Variants in CPS1 observed in about 807,000 individuals in gnomAD.
The protein encoded by CPS1 is carbamoyl-phosphate synthase 1.
In CPS1, 109 loss-of-function variants were observed where a neutral mutation model predicts 174.6. The observed-to-expected ratio is 0.62, with a 90% confidence interval of 0.53 to 0.73. The LOEUF (loss-of-function observed/expected upper bound fraction) is 0.73. CPS1 is among the 30% of genes least tolerant of loss of function. The pLI, the probability that CPS1 is intolerant of heterozygous loss-of-function variation, is 0.00. For missense variants in CPS1, 1,689 were observed against 1,821.9 expected (o/e 0.93, Z 1.33); for synonymous variants, 637 against 632.0 (o/e 1.01, Z -0.12).
intron 21 of CPS1, among the ~76,000 whole-genome samples, chr2:210,636,103 CTA>C (rs1203305412): frequency 1.3e-5 from 2 of 152,174 alleles, no homozygotes; most frequent in African/African-American, 2.4e-5. Context: ...TGGCAATACA[CTA>C]TTTTAATTTC....
chr2:210,675,855 T>A lies in CPS1; in HGVS notation c.4274+15T>A. ...TCCATCAGAAAGTAAGAACTAGGCA[T>A]ACTGTTTTCTGAAATAATTTAGAGG... On this transcript the variant is annotated intron_variant, in intron 36 of 37. Coordinates refer to ENST00000233072, the MANE Select transcript of CPS1 (RefSeq NM_001875.5). 8.9e-7 allele frequency: 1 copy of A among 1,127,524 alleles called. No homozygotes were observed. The highest frequency in any genetic ancestry group is 1.4e-6 in the Non-Finnish European group (1 of 735,660). The allele number at this position is 1,127,524 out of a possible 1,614,324, so 69.8% of individuals were successfully genotyped here.
At chr2:210,480,709 A>C (rs1181029196) in intron 1 of CPS1, among the ~76,000 whole-genome samples, 1 of 152,188 alleles carries the variant, frequency 6.6e-6, no homozygotes, top group Non-Finnish European at 1.5e-5. Context: ...AATGGTTTTT[A>C]CTTTTTTCAC....
intron 1 of CPS1, among the ~76,000 whole-genome samples, chr2:210,571,233 T>G (rs1267069844): frequency 6.6e-6 from 1 of 151,912 alleles, no homozygotes; most frequent in African/African-American, 2.4e-5. Flanking sequence ...CTATTTAAAG[T>G]GTCAAGCTTG....
At chr2:210,666,902 A>C (rs1009037213) in intron 33 of CPS1, among the ~76,000 whole-genome samples, 1 of 152,162 alleles carries the variant, frequency 6.6e-6, no homozygotes. Context: ...CATTGAATCT[A>C]TAAATTACCT....
chr2:210,631,388 A>G (rs572371003), intron 21 of CPS1: 3 of 152,278 alleles, frequency 2.0e-5, no homozygotes, highest in Admixed American at 2.0e-4. Context: ...GACAGGGAGG[A>G]ATTTTAAACA....
At chr2:210,477,894 C>T (rs1694442432) in intron 1 of CPS1, 1 of 999,384 alleles carries the variant, frequency 1.0e-6, no homozygotes, top group Non-Finnish European at 1.5e-6. Context: ...AAAGGCTATC[C>T]ATTTATCCCA....
At position 210,591,827 on chromosome 2, in the gene CPS1, C is replaced by T. The variant is rs565704219; in HGVS notation, c.948-4C>T. The T allele has an allele frequency of 1.2e-6, 2 of 1,612,006 alleles. No individual in the cohort carries two copies. Among genetic ancestry groups the T allele is most frequent in the Admixed American group, 1.7e-5 (1 of 59,864 alleles). On this transcript the variant is annotated splice_region_variant and splice_polypyrimidine_tract_variant and intron_variant, in intron 9 of 37. Coordinates refer to ENST00000233072, the MANE Select transcript of CPS1 (RefSeq NM_001875.5). ...CCCTATTCTTTTTCTCCTTTTCTCT[C>T]CAGAGGGCAGAATCAGCCTGTTTTG... is the stretch of plus-strand genomic sequence containing the variant.
At chr2:210,505,889 G>A (rs1384809850) in intron 1 of CPS1, among the ~76,000 whole-genome samples, 3 of 152,190 alleles carry the variant, frequency 2.0e-5, no homozygotes, top group African/African-American at 7.2e-5. Flanking sequence ...AAAGCACAGG[G>A]AAGCTCGAAC....
chr2:210,647,938 G>A lies in CPS1; in HGVS notation c.3217G>A (p.Val1073Ile), dbSNP rs1468277023. The change falls in exon 26 of 38, where the codon GTC becomes ATC. Residue 1073 changes from valine (V) to isoleucine (I), a missense_variant. By Grantham distance (29) the Val-to-Ile change is conservative. Transcript: ENST00000233072. ...GGCAGTTCCTCTATACAAGAATGGT[G>A]TCAAGATCATGGGCACAAGCCCCCT... ...NLAVPLYKNGVKIMGTSPLQI... is the reference protein window; with the variant it reads ...NLAVPLYKNGIKIMGTSPLQI... 1 of 1,614,070 alleles carries A rather than the reference G, an allele frequency of 6.2e-7. No individual in the cohort carries two copies. Among genetic ancestry groups the A allele is most frequent in the South Asian group, 1.1e-5 (1 of 91,086 alleles).
chr2:210,502,669 A>G (rs1695177898), intron 1 of CPS1, among the ~76,000 whole-genome samples: 1 of 152,022 alleles, frequency 6.6e-6, no homozygotes, highest in South Asian at 2.1e-4. Flanking sequence ...CTCTAAAGGG[A>G]AGTCATAGTT....
intron 1 of CPS1, among the ~76,000 whole-genome samples, chr2:210,500,908 G>T (rs922306350): frequency 6.6e-6 from 1 of 152,178 alleles, no homozygotes; most frequent in Non-Finnish European, 1.5e-5. Flanking sequence ...CTCCATGAGG[G>T]CTCTAACCCT....
chr2:210,582,581 C>T (rs751950055), intron 5 of CPS1, 36 bp from the exon 6 acceptor site: 3 of 1,510,842 alleles, frequency 2.0e-6, no homozygotes, highest in East Asian at 2.3e-5. Flanking sequence ...TTTATCGTTG[C>T]TTCCTTTTAA....
At chr2:210,615,450 AGAAAAGTAAGCTCCCTGGGCT>A (rs1205295740) in intron 20 of CPS1, among the ~76,000 whole-genome samples, 1 of 152,030 alleles carries the variant, frequency 6.6e-6, no homozygotes, top group Non-Finnish European at 1.5e-5. Flanking sequence ...AAAAGCTTTA[AGAAAAGTAAGCTCCCTGGGCT>A]GAAATATACC....
chr2:210,612,305 C>T lies in CPS1; in HGVS notation c.2568+12C>T, dbSNP rs758358864. On this transcript the variant is annotated intron_variant, in intron 20 of 37. Transcript: ENST00000233072. Reference sequence around the variant, plus strand: ...ATGCCATTGCCAAGGTAAGATGTTACAAGGGGCCCACAGCTACTAGTTGCT... The same window carrying T: ...ATGCCATTGCCAAGGTAAGATGTTATAAGGGGCCCACAGCTACTAGTTGCT... The T allele has an allele frequency of 1.2e-6, 2 of 1,611,504 alleles. No individual in the cohort carries two copies. The highest frequency in any genetic ancestry group is 3.3e-5 in the Admixed American group (2 of 59,794).
In CPS1 at chr2:210,539,901, G is replaced by A. The variant is rs149785733; in HGVS notation, c.4-16818G>A. Among the ~76,000 whole-genome samples the A allele has an allele frequency of 1.6e-4, 24 of 152,256 alleles. No homozygotes were observed. The East Asian group carries it at 4.3e-3, about 27-fold the overall frequency. ...GGTCCCCAGTTTCCAGGCCCTGAAT[G>A]CCATGGGCTCTGTCTCAGGAATAGG... On this transcript the variant is annotated intron_variant, in intron 1 of 38. Coordinates refer to the CPS1 transcript ENST00000430249.
intron 1 of CPS1, among the ~76,000 whole-genome samples, chr2:210,488,268 A>G (rs1045839493): frequency 6.6e-6 from 1 of 152,194 alleles, no homozygotes; most frequent in African/African-American, 2.4e-5. Flanking sequence ...TCATGTGTAT[A>G]ATATTCCCTT....
chr2:210,546,567 T>C, intron 1 of CPS1, among the ~76,000 whole-genome samples: 1 of 152,132 alleles, frequency 6.6e-6, no homozygotes, highest in East Asian at 1.9e-4. Flanking sequence ...TGATAGGATA[T>C]AGACAAATTG....
chr2:210,612,078 C>T (rs1699145326), intron 19 of CPS1, 39 bp from the exon 20 acceptor site: 1 of 1,569,204 alleles, frequency 6.4e-7, no homozygotes, highest in African/African-American at 1.4e-5. Context: ...GATACATAAG[C>T]TCTTTCTTTC....
In CPS1 at chr2:210,592,886, T is replaced by C; in HGVS notation, c.1094T>C (p.Met365Thr). Residue 365 changes from methionine (M) to threonine (T), a missense_variant, in exon 11 of 38, where the codon ATG (methionine) becomes ACG (threonine). By Grantham distance (81) the Met-to-Thr change is moderately conservative. Transcript: ENST00000233072. ...NVNDQTNEGI[M>T]HESKPFFAVQ... ...TGTTTCTTATTCCTTTAGGGGATTA[T>C]GCATGAGAGCAAACCCTTCTTCGCT... is the stretch of plus-strand genomic sequence containing the variant. The C allele has an allele frequency of 6.2e-7, 1 of 1,612,302 alleles. No homozygotes were observed. The highest frequency in any genetic ancestry group is 8.5e-7 in the Non-Finnish European group (1 of 1,178,858).
Sources: allele counts gnomAD v4.1 joint callset (sites outside exome capture counted in the v4.1 genomes callset), GRCh38; gene constraint gnomAD v4.1.1; transcripts MANE v1.5; gene names NCBI Gene and HGNC (gene_info 2026-07-23, HGNC 2026-07-21).